RAD51B: variants seen among roughly 807,000 people sequenced by gnomAD.
The protein encoded by RAD51B is DNA repair protein RAD51 homolog 2.
In RAD51B, 38 loss-of-function variants were observed where a neutral mutation model predicts 42.2. The ratio of observed to expected loss-of-function variants is 0.90; its 90% CI spans 0.70 to 1.18. The LOEUF (loss-of-function observed/expected upper bound fraction) is 1.18, where lower values mean the gene tolerates loss of function less well. Among genes scored for constraint, RAD51B ranks in the 50% most tolerant of loss-of-function variants. The pLI is 0.00. For synonymous variants in RAD51B, 154 were observed against 145.2 expected (o/e 1.06, Z -0.43); for missense variants, 373 against 400.7 (o/e 0.93, Z 0.59).
chr14:68,104,655 A>G (rs138643556), intron 7 of RAD51B, among the ~76,000 whole-genome samples: 101 of 152,274 alleles, frequency 6.6e-4, no homozygotes, highest in African/African-American at 2.2e-3. Context: ...TTATCTCCAG[A>G]CATTGTTGAC....
intron 7 of RAD51B, among the ~76,000 whole-genome samples, chr14:68,120,685 G>A (rs1448320772): frequency 2.0e-5 from 3 of 151,966 alleles, no homozygotes. Context: ...TTGGGAGCCT[G>A]GAAGTCTCAA....
intron 10 of RAD51B, among the ~76,000 whole-genome samples, chr14:68,609,303 C>T (rs1839007754): frequency 6.6e-6 from 1 of 152,162 alleles, no homozygotes; most frequent in African/African-American, 2.4e-5. Flanking sequence ...TCCCCTGAGG[C>T]CACTGTCAGT....
intron 9 of RAD51B, among the ~76,000 whole-genome samples, chr14:68,453,932 G>A (rs2085620215): frequency 6.6e-6 from 1 of 152,260 alleles, no homozygotes; most frequent in South Asian, 2.1e-4. Flanking sequence ...GATAATGTGA[G>A]ACTCAAAAGA....
intron 8 of RAD51B, among the ~76,000 whole-genome samples, chr14:68,369,366 T>C (rs2083205737): frequency 6.6e-6 from 1 of 152,196 alleles, no homozygotes; most frequent in African/African-American, 2.4e-5. Context: ...CTTGCACAGA[T>C]TGCGTCCACT....
intron 4 of RAD51B, among the ~76,000 whole-genome samples, chr14:67,858,591 C>T (rs143179587): frequency 1.7e-4 from 26 of 152,270 alleles, no homozygotes; most frequent in Middle Eastern, 3.4e-3. Flanking sequence ...GTGTGGAAAA[C>T]GAATTAGGAA....
chr14:68,251,410 AG>A (rs2080631473), intron 7 of RAD51B, among the ~76,000 whole-genome samples: 2 of 152,188 alleles, frequency 1.3e-5, no homozygotes, highest in Admixed American at 6.5e-5. Context: ...TAGCTATACA[AG>A]GAAAGAGGTC....
At chr14:68,372,157 G>C (rs2083278126) in intron 8 of RAD51B, among the ~76,000 whole-genome samples, 1 of 152,156 alleles carries the variant, frequency 6.6e-6, no homozygotes, top group Admixed American at 6.5e-5. Context: ...ATAAGATGAG[G>C]ACTGAGAATT....
At chr14:68,066,395 A>C (rs2076650844) in intron 7 of RAD51B, among the ~76,000 whole-genome samples, 1 of 152,174 alleles carries the variant, frequency 6.6e-6, no homozygotes, top group Non-Finnish European at 1.5e-5. Flanking sequence ...TCCATGTACA[A>C]TTTTCATAAT....
downstream of RAD51B, among the ~76,000 whole-genome samples, chr14:68,598,227 C>A (rs1891080948): frequency 6.7e-6 from 1 of 149,708 alleles, no homozygotes; most frequent in African/African-American, 2.5e-5. Flanking sequence ...CACAGCACAC[C>A]AACTCAAACC....
intron 8 of RAD51B, among the ~76,000 whole-genome samples, chr14:68,356,671 C>A (rs1014050975): frequency 2.0e-5 from 3 of 151,938 alleles, no homozygotes; most frequent in Admixed American, 6.6e-5. Flanking sequence ...GTTGGAGTGG[C>A]TGTAGCAATT....
downstream of RAD51B, among the ~76,000 whole-genome samples, chr14:68,613,685 A>T (rs1209542531): frequency 4.6e-5 from 7 of 151,896 alleles, no homozygotes; most frequent in East Asian, 1.4e-3. Context: ...CGATCTCCTG[A>T]CTTTGTGATC....
chr14:68,438,648 C>T (rs2085205730), intron 9 of RAD51B, among the ~76,000 whole-genome samples: 1 of 152,196 alleles, frequency 6.6e-6, no homozygotes, highest in African/African-American at 2.4e-5. Flanking sequence ...ATCATGTCAT[C>T]TCCACTCTCA....
At chr14:68,219,507 A>G (rs975031916) in intron 7 of RAD51B, among the ~76,000 whole-genome samples, 1 of 152,168 alleles carries the variant, frequency 6.6e-6, no homozygotes, top group Non-Finnish European at 1.5e-5. Flanking sequence ...AAGACAGATC[A>G]CATCACAGGA....
intron 10 of RAD51B, among the ~76,000 whole-genome samples, chr14:68,639,607 G>A (rs1892413163): frequency 6.6e-6 from 1 of 152,142 alleles, no homozygotes; most frequent in African/African-American, 2.4e-5. Context: ...GAATTAGGAG[G>A]AAGAGAAGCC....
At chr14:68,216,572 A>G (rs1054728489) in intron 7 of RAD51B, among the ~76,000 whole-genome samples, 3 of 152,208 alleles carry the variant, frequency 2.0e-5, no homozygotes, top group Non-Finnish European at 4.4e-5. Flanking sequence ...AGTCTCCCTG[A>G]AAGATTTCCC....
At chr14:67,886,511 C>T (rs1015983327) in intron 6 of RAD51B, 2 of 220,330 alleles carry the variant, frequency 9.1e-6, no homozygotes, top group East Asian at 1.3e-4. Context: ...CTGGGCCTCT[C>T]CATAAATCAC....
At chr14:68,244,753 T>C (rs1217629955) in intron 7 of RAD51B, among the ~76,000 whole-genome samples, 2 of 152,206 alleles carry the variant, frequency 1.3e-5, no homozygotes, top group Non-Finnish European at 2.9e-5. Context: ...CACCCATGCA[T>C]GGCCATTGTG....
intron 4 of RAD51B, among the ~76,000 whole-genome samples, chr14:67,847,604 T>C (rs1377301830): frequency 6.6e-6 from 1 of 152,188 alleles, no homozygotes; most frequent in Non-Finnish European, 1.5e-5. Flanking sequence ...ATCTTCTTGA[T>C]ATTCATTTTA....
chr14:67,981,894 G>T (rs1027172616), intron 7 of RAD51B, among the ~76,000 whole-genome samples: 1 of 152,112 alleles, frequency 6.6e-6, no homozygotes, highest in Non-Finnish European at 1.5e-5. Flanking sequence ...TGATAGTTTT[G>T]CAGGTATATA....
Sources: allele counts gnomAD v4.1 joint callset (sites outside exome capture counted in the v4.1 genomes callset), GRCh38; gene constraint gnomAD v4.1.1; transcripts MANE v1.5; gene names NCBI Gene and HGNC (gene_info 2026-07-23, HGNC 2026-07-21).